Variants in GRID2 observed in about 807,000 individuals in gnomAD.
GRID2 encodes the protein glutamate receptor ionotropic, delta-2.
In GRID2, 33 loss-of-function variants were observed where a neutral mutation model predicts 114.8. The observed-to-expected ratio is 0.29, with a 90% CI of 0.22 to 0.38. The LOEUF is 0.38. Ranked by LOEUF, GRID2 falls within the 10% of genes least tolerant of loss-of-function variation. GRID2 has a pLI of 1.00. For missense variants in GRID2, 1,184 were observed against 1,257.7 expected (o/e 0.94, Z 0.89); for synonymous variants, 505 against 449.9 (o/e 1.12, Z -1.55).
At chr4:92,424,134 A>G (rs1208887594) in intron 1 of GRID2, among the ~76,000 whole-genome samples, 1 of 152,088 alleles carries the variant, frequency 6.6e-6, no homozygotes, top group African/African-American at 2.4e-5. Context: ...AAGCAGTTTT[A>G]TACAAGTTCT....
At chr4:93,147,098 C>CA (rs1333999457) in intron 4 of GRID2, among the ~76,000 whole-genome samples, 48 of 152,110 alleles carry the variant, frequency 3.2e-4, no homozygotes, top group African/African-American at 1.1e-3. Flanking sequence ...AATTTTTTAA[C>CA]GTACTTATAA....
At chr4:92,324,871 T>C (rs1726512695) in intron 1 of GRID2, among the ~76,000 whole-genome samples, 1 of 151,948 alleles carries the variant, frequency 6.6e-6, no homozygotes, top group Non-Finnish European at 1.5e-5. Flanking sequence ...TTTTCACATA[T>C]CATTTATTGA....
chr4:92,794,198 C>T (rs1739738626), intron 2 of GRID2, among the ~76,000 whole-genome samples: 1 of 151,724 alleles, frequency 6.6e-6, no homozygotes, highest in Non-Finnish European at 1.5e-5. Context: ...TCACTGTAGC[C>T]TCCAACTCCT....
intron 4 of GRID2, among the ~76,000 whole-genome samples, chr4:93,170,386 C>G (rs190345188): frequency 5.9e-4 from 89 of 152,108 alleles, no homozygotes; most frequent in Non-Finnish European, 5.9e-5. Context: ...GCTGGGCCCC[C>G]CCCTTTTTTA....
intron 1 of GRID2, among the ~76,000 whole-genome samples, chr4:92,545,319 T>C (rs1015853521): frequency 4.6e-5 from 7 of 152,252 alleles, no homozygotes; most frequent in Non-Finnish European, 1.0e-4. Context: ...TAGGTCCCCA[T>C]GGATAGCTGC....
At chr4:93,137,972 T>G (rs1035592497) in intron 4 of GRID2, among the ~76,000 whole-genome samples, 1 of 139,082 alleles carries the variant, frequency 7.2e-6, no homozygotes, top group African/African-American at 2.7e-5. Flanking sequence ...CTTCGTTTTT[T>G]TTTTTTTTTT....
At chr4:93,127,218 A>C (rs898357732) in intron 4 of GRID2, among the ~76,000 whole-genome samples, 1 of 152,156 alleles carries the variant, frequency 6.6e-6, no homozygotes, top group African/African-American at 2.4e-5. Context: ...ATTTTTTAAC[A>C]TGTTCATCAT....
At chr4:92,533,747 T>C (rs1243551839) in intron 1 of GRID2, among the ~76,000 whole-genome samples, 1 of 152,108 alleles carries the variant, frequency 6.6e-6, no homozygotes, top group African/African-American at 2.4e-5. Flanking sequence ...CCGAATAAAC[T>C]ATTTACTATT....
chr4:92,890,505 G>GA (rs1197144286), intron 2 of GRID2, among the ~76,000 whole-genome samples: 7 of 150,714 alleles, frequency 4.6e-5, no homozygotes, highest in African/African-American at 7.3e-5. Context: ...AAAAACATAT[G>GA]AAAAAAAAAG....
At chr4:92,859,522 C>T (rs1196020272) in intron 2 of GRID2, among the ~76,000 whole-genome samples, 1 of 151,950 alleles carries the variant, frequency 6.6e-6, no homozygotes, top group Admixed American at 6.6e-5. Context: ...ATGAATTTCC[C>T]CTTCTTCCTT....
intron 14 of GRID2, among the ~76,000 whole-genome samples, chr4:93,747,832 T>C (rs913312329): frequency 3.9e-5 from 6 of 152,108 alleles, no homozygotes; most frequent in African/African-American, 1.2e-4. Context: ...CAAAAATTTA[T>C]TAAATACTAC....
At chr4:93,336,641 C>T (rs1251313024) in intron 8 of GRID2, among the ~76,000 whole-genome samples, 1 of 152,128 alleles carries the variant, frequency 6.6e-6, no homozygotes, top group Admixed American at 6.5e-5. Flanking sequence ...AGGTGATGTG[C>T]CAATTGTCAC....
chr4:92,338,735 C>T (rs1201516120), intron 1 of GRID2, among the ~76,000 whole-genome samples: 1 of 152,014 alleles, frequency 6.6e-6, no homozygotes, highest in Non-Finnish European at 1.5e-5. Flanking sequence ...AAATGACATG[C>T]AAAATAGTGT....
At chr4:93,372,026 G>C (rs376834320) in intron 8 of GRID2, among the ~76,000 whole-genome samples, 3 of 151,996 alleles carry the variant, frequency 2.0e-5, no homozygotes, top group East Asian at 1.9e-4. Flanking sequence ...GATTACAGGC[G>C]TGAGCCACTG....
intron 13 of GRID2, among the ~76,000 whole-genome samples, chr4:93,613,192 T>G (rs1741160863): frequency 1.3e-5 from 2 of 148,926 alleles, no homozygotes; most frequent in South Asian, 4.4e-4. Context: ...TCTGTATTGG[T>G]TATTCTAGTT....
intron 4 of GRID2, among the ~76,000 whole-genome samples, chr4:93,127,630 G>T (rs1734397323): frequency 6.6e-6 from 1 of 152,124 alleles, no homozygotes; most frequent in Non-Finnish European, 1.5e-5. Flanking sequence ...TGAGGAGATT[G>T]ATACACAGAG....
intron 1 of GRID2, among the ~76,000 whole-genome samples, chr4:92,423,671 T>C (rs1397533260): frequency 6.6e-6 from 1 of 152,144 alleles, no homozygotes; most frequent in Non-Finnish European, 1.5e-5. Flanking sequence ...CCTATTTTCC[T>C]TCACAACAGA....
chr4:93,543,212 G>A (rs570630741), intron 13 of GRID2, among the ~76,000 whole-genome samples: 2 of 152,250 alleles, frequency 1.3e-5, no homozygotes, highest in South Asian at 4.1e-4. Flanking sequence ...GTCTGTGATT[G>A]TAAGCTTTTC....
intron 2 of GRID2, among the ~76,000 whole-genome samples, chr4:92,842,635 AT>A: frequency 6.6e-6 from 1 of 152,160 alleles, no homozygotes; most frequent in South Asian, 2.1e-4. Context: ...GAGAAATAGT[AT>A]TTTTTCTCCT....
Sources: gnomAD v4.1 joint callset for allele counts (sites outside exome capture counted in the v4.1 genomes callset) on GRCh38, gnomAD v4.1.1 for gene constraint, MANE v1.5 for transcripts, NCBI Gene and HGNC (gene_info 2026-07-23, HGNC 2026-07-21) for gene names.